MINDY3: variants seen among roughly 807,000 people sequenced by gnomAD.
MINDY3 encodes ubiquitin carboxyl-terminal hydrolase MINDY-3.
MINDY3 carries 38 observed loss-of-function variants against 69.2 expected under a neutral mutation model. The observed-to-expected ratio is 0.55, with a 90% confidence interval of 0.42 to 0.72. MINDY3 has a LOEUF of 0.72. MINDY3 is among the 30% of genes least tolerant of loss of function. The probability of loss-of-function intolerance (pLI) is 0.00; values close to 1 mark genes in which losing one functional copy is unlikely to be tolerated. For synonymous variants in MINDY3, 192 were observed against 180.1 expected, an observed-to-expected ratio of 1.07 and a Z score of -0.53; for missense variants, 522 against 519.0, an observed-to-expected ratio of 1.01 and a Z score of -0.06.
intron 1 of MINDY3, among the ~76,000 whole-genome samples, chr10:15,854,976 C>A (rs1834591457): frequency 6.6e-6 from 1 of 151,964 alleles, no homozygotes; most frequent in Non-Finnish European, 1.5e-5. Flanking sequence ...AGTGTTGTAC[C>A]CAAGTGCAGA....
intron 9 of MINDY3, among the ~76,000 whole-genome samples, chr10:15,819,678 C>G (rs1207467326): frequency 1.3e-5 from 2 of 152,198 alleles, no homozygotes; most frequent in Non-Finnish European, 2.9e-5. Context: ...GCATGTGGCC[C>G]TGCCTGGCTT....
intron 11 of MINDY3, among the ~76,000 whole-genome samples, chr10:15,792,117 AT>A: frequency 6.6e-6 from 1 of 151,948 alleles, no homozygotes; most frequent in South Asian, 2.1e-4. Flanking sequence ...TAAAAAAAAA[AT>A]AGAATTTAAT....
At chr10:15,832,128 G>A (rs922370197) in intron 8 of MINDY3, among the ~76,000 whole-genome samples, 4 of 152,248 alleles carry the variant, frequency 2.6e-5, no homozygotes, top group South Asian at 2.1e-4. Context: ...TCGAGAATCC[G>A]GAGAACGCGT....
intron 8 of MINDY3, among the ~76,000 whole-genome samples, chr10:15,828,827 G>A (rs114253884): frequency 0.017 from 2,607 of 152,270 alleles, 55 homozygotes; most frequent in African/African-American, 0.056. Flanking sequence ...TACTGGACTT[G>A]TTTCCTGCTC....
In MINDY3 at chr10:15,779,072, G is replaced by C; in HGVS notation, c.1258C>G (p.Pro420Ala). Reference sequence around the variant, plus strand: ...TTGGTTTGCAGACAGCGTTTAATAGGAGTGTCATCTGTCTGTAGCATGGGA... The same window carrying C: ...TTGGTTTGCAGACAGCGTTTAATAGCAGTGTCATCTGTCTGTAGCATGGGA... ...EDPMLQTDDT[P>A]IKRCLQTKWP... The change falls in exon 15 of 15, where the codon CCT becomes GCT. Residue 420 changes from proline to alanine, a missense_variant. Pro to Ala is a conservative substitution (Grantham distance 27, BLOSUM62 -1). Transcript: ENST00000277632. 1 of 1,613,524 alleles carries C rather than the reference G, an allele frequency of 6.2e-7. No individual in the cohort carries two copies. Among genetic ancestry groups the C allele is most frequent in the Non-Finnish European group, 8.5e-7 (1 of 1,179,690 alleles).
intron 13 of MINDY3, among the ~76,000 whole-genome samples, chr10:15,784,188 T>C (rs190536406): frequency 6.7e-4 from 102 of 152,316 alleles, no homozygotes; most frequent in Non-Finnish European, 1.3e-3. Flanking sequence ...AGTATGGTGT[T>C]TGGAAGGCAC....
At chr10:15,850,936 T>C (rs1015389617) in intron 1 of MINDY3, among the ~76,000 whole-genome samples, 11 of 152,112 alleles carry the variant, frequency 7.2e-5, no homozygotes, top group South Asian at 6.2e-4. Context: ...AGCCAACACT[T>C]AGGGAAAATA....
chr10:15,813,330 A>G (rs1839138369), intron 10 of MINDY3, among the ~76,000 whole-genome samples: 1 of 152,000 alleles, frequency 6.6e-6, no homozygotes, highest in African/African-American at 2.4e-5. Flanking sequence ...TTCTTCAGGC[A>G]TGAATTTGCT....
chr10:15,790,129 A>C (rs2131854021), intron 11 of MINDY3, among the ~76,000 whole-genome samples: 1 of 152,252 alleles, frequency 6.6e-6, no homozygotes, highest in East Asian at 1.9e-4. Flanking sequence ...TGCCATGGAG[A>C]ACAAGATGTC....
intron 10 of MINDY3, among the ~76,000 whole-genome samples, chr10:15,800,475 C>A (rs1350111809): frequency 6.6e-6 from 1 of 152,042 alleles, no homozygotes; most frequent in South Asian, 2.1e-4. Flanking sequence ...ACAAGTATGG[C>A]GCTAATCATC....
chr10:15,843,944 T>G (rs1357596176), intron 2 of MINDY3, among the ~76,000 whole-genome samples: 1 of 152,130 alleles, frequency 6.6e-6, no homozygotes, highest in Non-Finnish European at 1.5e-5. Context: ...GCTCCACCTA[T>G]TCTCTCTGAA....
In MINDY3 at chr10:15,816,919, G is replaced by C. The variant is rs1362963146; in HGVS notation, c.802-4C>G. ...GAGATTTCAAGTAAGAACCAACCTA[G>C]AACAAATGTAGCAAAATAAAACAAA... On this transcript the variant is annotated splice_polypyrimidine_tract_variant and splice_region_variant and intron_variant, in intron 9 of 14. Transcript: ENST00000277632. The C allele has an allele frequency of 6.2e-7, 1 of 1,603,848 alleles. No homozygotes were observed. Among genetic ancestry groups the C allele is most frequent in the African/African-American group, 1.3e-5 (1 of 74,592 alleles).
chr10:15,779,110 A>C lies in MINDY3; in HGVS notation c.1220T>G (p.Met407Arg), dbSNP rs1018111098. The C allele has an allele frequency of 1.2e-6, 2 of 1,613,676 alleles. No homozygotes were observed. The highest frequency in any genetic ancestry group is 2.2e-5 in the South Asian group (2 of 91,064). The part of the protein sequence containing the change: ...VMYVEGTAVV[M>R]GFEDPMLQTD... ...CTGTAGCATGGGATCTTCAAAACCCATCACAACTGCAGTCCCTTCTACGTA... is the reference window on the plus strand; with the variant it reads ...CTGTAGCATGGGATCTTCAAAACCCCTCACAACTGCAGTCCCTTCTACGTA... Residue 407 changes from methionine (M) to arginine (R), a missense_variant, in exon 15 of 15, where the codon ATG (methionine) becomes AGG (arginine). By Grantham distance (91) the Met-to-Arg change is moderately conservative. Coordinates refer to ENST00000277632, the MANE Select transcript of MINDY3 (RefSeq NM_024948.4).
At chr10:15,824,962 C>G (rs1349532582) in intron 8 of MINDY3, among the ~76,000 whole-genome samples, 2 of 152,110 alleles carry the variant, frequency 1.3e-5, no homozygotes, top group African/African-American at 2.4e-5. Flanking sequence ...ATGATAGTTT[C>G]AAGAGCATCA....
chr10:15,860,074 G>A, intron 1 of MINDY3, 132 bp downstream of exon 1: 1 of 692,276 alleles, frequency 1.4e-6, no homozygotes, highest in South Asian at 1.7e-5. Context: ...AGAAAGTCCA[G>A]CTTCAGCGCT....
At chr10:15,853,152 G>A (rs1361709395) in intron 1 of MINDY3, among the ~76,000 whole-genome samples, 1 of 152,046 alleles carries the variant, frequency 6.6e-6, no homozygotes, top group African/African-American at 2.4e-5. Flanking sequence ...AGGGTAGTTG[G>A]ATCAAGAATT....
chr10:15,782,149 T>C lies in MINDY3; in HGVS notation c.1188+6A>G, dbSNP rs534487716. On this transcript the variant is annotated splice_donor_region_variant and intron_variant, in intron 14 of 14. Coordinates refer to ENST00000277632, the MANE Select transcript of MINDY3 (RefSeq NM_024948.4). ...TGAACACCGACGACTACGTGAATTA[T>C]CATACCTTTTCATTATAATTTGACT... 2 of 1,599,938 alleles carry C rather than the reference T, an allele frequency of 1.3e-6. No homozygotes were observed. The highest frequency in any genetic ancestry group is 1.7e-5 in the Admixed American group (1 of 59,368).
intron 8 of MINDY3, among the ~76,000 whole-genome samples, chr10:15,823,256 T>G (rs575071411): frequency 1.2e-4 from 18 of 152,296 alleles, no homozygotes; most frequent in African/African-American, 4.1e-4. Flanking sequence ...AGAGCAATGG[T>G]TCTTCAATTG....
At chr10:15,783,134 T>C (rs1836680016) in intron 13 of MINDY3, among the ~76,000 whole-genome samples, 1 of 152,196 alleles carries the variant, frequency 6.6e-6, no homozygotes, top group Non-Finnish European at 1.5e-5. Flanking sequence ...AAAGATAGGC[T>C]GTGAGAATGT....
Sources: gnomAD v4.1 joint callset for allele counts (sites outside exome capture counted in the v4.1 genomes callset) on GRCh38, gnomAD v4.1.1 for gene constraint, MANE v1.5 for transcripts, NCBI Gene and HGNC (gene_info 2026-07-23, HGNC 2026-07-21) for gene names.